The following HHLA2 variants were observed in gnomAD, a reference collection of about 807,000 sequenced individuals.
HHLA2 encodes HERV-H LTR-associating protein 2.
Under a neutral mutation model 45.9 loss-of-function variants are expected in HHLA2, and 48 were observed. The observed-to-expected ratio is 1.05, with a 90% CI of 0.83 to 1.33. The LOEUF (loss-of-function observed/expected upper bound fraction) is 1.33. Among genes scored for constraint, HHLA2 ranks in the 40% most tolerant of loss-of-function variants. The probability of loss-of-function intolerance (pLI) is 0.00; values close to 1 mark genes in which losing one functional copy is unlikely to be tolerated. For missense variants in HHLA2, 462 were observed against 494.3 expected (o/e 0.93, Z 0.62); for synonymous variants, 161 against 173.9 (o/e 0.93, Z 0.59).
intron 8 of HHLA2, among the ~76,000 whole-genome samples, chr3:108,374,296 A>G (rs1408592715): frequency 6.6e-6 from 1 of 151,934 alleles, no homozygotes; most frequent in East Asian, 1.9e-4. Context: ...CTGAAACTGG[A>G]TCCCTTCCTT....
At chr3:108,352,079 G>C (rs1186602506) in intron 4 of HHLA2, among the ~76,000 whole-genome samples, 1 of 151,978 alleles carries the variant, frequency 6.6e-6, no homozygotes, top group African/African-American at 2.4e-5. Flanking sequence ...CTCTGATTAA[G>C]ACTCTTTCTA....
chr3:108,370,052 G>A lies in HHLA2; in HGVS notation c.1109-5698G>A, dbSNP rs535630721. Among the ~76,000 whole-genome samples, 214 of 152,352 alleles carry A rather than the reference G, an allele frequency of 1.4e-3. 1 individual carries two copies. The highest frequency in any genetic ancestry group is 4.9e-3 in the African/African-American group (205 of 41,588). ...CTGACCCCCGAGTGGCCTAACTGGG[G>A]GGAACCCCCAGTAGGGGCGGACTCA... On this transcript the variant is annotated intron_variant, in intron 8 of 10. Transcript: ENST00000619531.
intron 2 of HHLA2, chr3:108,325,789 G>T: frequency 3.3e-6 from 1 of 302,730 alleles, no homozygotes; most frequent in Non-Finnish European, 6.4e-6. Context: ...CACAACCATT[G>T]AAGTTTCCTC....
Position 108,355,110 on chromosome 3 carries a change from T to C in HHLA2, c.419-5T>C, listed in dbSNP as rs749778780. On this transcript the variant is annotated splice_polypyrimidine_tract_variant and splice_region_variant and intron_variant, in intron 5 of 10. Coordinates refer to ENST00000619531, the Ensembl canonical transcript of HHLA2. ...TTTTCATGCGCCCTTCTTTCTCCTA[T>C]GTAGTTTTTCTCACACCCGTGATGA... 11 of 1,609,456 alleles carry C rather than the reference T, an allele frequency of 6.8e-6. No individual in the cohort carries two copies. Among genetic ancestry groups the C allele is most frequent in the East Asian group, 2.2e-5 (1 of 44,774 alleles).
intron 3 of HHLA2, among the ~76,000 whole-genome samples, chr3:108,345,514 G>A (rs1425918325): frequency 6.6e-6 from 1 of 152,152 alleles, no homozygotes; most frequent in African/African-American, 2.4e-5. Context: ...TAAATTTTCT[G>A]GGTTTCTCTT....
At chr3:108,365,622 ATT>A (rs1219965564) in intron 8 of HHLA2, among the ~76,000 whole-genome samples, 2 of 151,174 alleles carry the variant, frequency 1.3e-5, no homozygotes, top group African/African-American at 4.8e-5. Context: ...TAAGTATGAA[ATT>A]TTTTTCCATT....
At chr3:108,342,069 T>C (rs1003371468) in intron 3 of HHLA2, among the ~76,000 whole-genome samples, 1 of 152,246 alleles carries the variant, frequency 6.6e-6, no homozygotes, top group East Asian at 1.9e-4. Context: ...TTCTTTTCAA[T>C]AGAGGCAGTC....
intron 1 of HHLA2, among the ~76,000 whole-genome samples, chr3:108,307,627 T>C (rs1329999680): frequency 2.0e-5 from 3 of 149,368 alleles, no homozygotes; most frequent in Non-Finnish European, 4.5e-5. Context: ...AGAGTGAAAC[T>C]CTGTCTCAAA....
At chr3:108,313,275 C>T (rs761811156) in intron 2 of HHLA2, among the ~76,000 whole-genome samples, 1 of 152,064 alleles carries the variant, frequency 6.6e-6, no homozygotes, top group Non-Finnish European at 1.5e-5. Context: ...TAGTCTTGTA[C>T]CAACGAGCAG....
intron 2 of HHLA2, among the ~76,000 whole-genome samples, chr3:108,312,584 T>C (rs59171591): frequency 0.18 from 26,764 of 152,142 alleles, 2,886 homozygotes; most frequent in East Asian, 0.52. Flanking sequence ...CCATGCCCAA[T>C]GACAGGCTGA....
chr3:108,344,574 G>A (rs1042255763), intron 3 of HHLA2, among the ~76,000 whole-genome samples: 1 of 152,204 alleles, frequency 6.6e-6, no homozygotes, highest in Non-Finnish European at 1.5e-5. Context: ...CAGAAAGAGT[G>A]CACTGGCTTT....
Position 108,353,426 on chromosome 3 carries a change from G to C in HHLA2, c.65-1G>C. ...TATAACTTCTCTGCTCTTGACTGTA[G>C]GCATATTCCCTTTGGCTTTCTTCAT... On this transcript the variant is annotated splice_acceptor_variant, in intron 4 of 10. Transcript: ENST00000619531. LOFTEE classifies it high-confidence loss of function. The C allele has an allele frequency of 1.9e-6, 3 of 1,548,096 alleles. No homozygotes were observed. The highest frequency in any genetic ancestry group is 2.6e-6 in the Non-Finnish European group (3 of 1,139,616).
intron 8 of HHLA2, among the ~76,000 whole-genome samples, chr3:108,365,293 G>A (rs2082046358): frequency 6.6e-6 from 1 of 152,174 alleles, no homozygotes; most frequent in Admixed American, 6.5e-5. Context: ...GTTTGTCAAA[G>A]ATCGAATGGT....
chr3:108,346,068 C>A (rs80274046), intron 3 of HHLA2, among the ~76,000 whole-genome samples: 2,223 of 152,210 alleles, frequency 0.015, 38 homozygotes, highest in African/African-American at 0.05. Flanking sequence ...TTCACTTCCC[C>A]TTTTCCCTCA....
At chr3:108,298,878 C>T (rs866551180) in intron 1 of HHLA2, among the ~76,000 whole-genome samples, 1 of 151,960 alleles carries the variant, frequency 6.6e-6, no homozygotes, top group Non-Finnish European at 1.5e-5. Flanking sequence ...GATTAAGATA[C>T]AAACCTGAGA....
rs1174834808 is a variant in HHLA2 at position 108,358,109 on chromosome 3, CA to C, written c.953del (p.Asn318IlefsTer17). ...TTTCAGACAGTGGGGAATATTTATG[CA>C]ATATTTCTTCGGATGAATATACTTT... On this transcript the variant is annotated frameshift_variant, in exon 7 of 11. Coordinates refer to ENST00000619531, the Ensembl canonical transcript of HHLA2. LOFTEE classifies it high-confidence loss of function. 3.1e-6 allele frequency: 5 copies of C among 1,613,050 alleles called. No individual in the cohort carries two copies. Among genetic ancestry groups the C allele is most frequent in the Middle Eastern group, 1.7e-4 (1 of 6,058 alleles).
At chr3:108,324,398 C>T (rs2081254308) in intron 2 of HHLA2, among the ~76,000 whole-genome samples, 1 of 152,068 alleles carries the variant, frequency 6.6e-6, no homozygotes, top group Non-Finnish European at 1.5e-5. Context: ...TTTAGATCTT[C>T]CTTATACTTT....
At chr3:108,298,787 G>C (rs1478177733) in intron 1 of HHLA2, among the ~76,000 whole-genome samples, 1 of 152,144 alleles carries the variant, frequency 6.6e-6, no homozygotes, top group Admixed American at 6.5e-5. Context: ...CTTAGTCCTC[G>C]ATCTTGGAAT....
At chr3:108,368,461 C>T (rs930838677) in intron 8 of HHLA2, among the ~76,000 whole-genome samples, 4 of 143,522 alleles carry the variant, frequency 2.8e-5, no homozygotes, top group African/African-American at 7.8e-5. Flanking sequence ...ATTCAGGAGT[C>T]CCATCTCACA....
Sources: allele counts gnomAD v4.1 joint callset (sites outside exome capture counted in the v4.1 genomes callset), GRCh38; gene constraint gnomAD v4.1.1; transcripts MANE v1.5; gene names NCBI Gene and HGNC (gene_info 2026-07-23, HGNC 2026-07-21).